The following GLG1 variants were observed in gnomAD, a reference collection of about 807,000 sequenced individuals.
GLG1 encodes the protein golgi glycoprotein 1.
In GLG1, 38 loss-of-function variants were observed where a neutral mutation model predicts 160.5. The observed-to-expected ratio is 0.24, with a 90% CI of 0.18 to 0.31. The LOEUF (loss-of-function observed/expected upper bound fraction) is 0.31. Among genes scored for constraint, GLG1 ranks in the 10% least tolerant of loss-of-function variants. The probability of loss-of-function intolerance (pLI) is 1.00; values close to 1 mark genes in which losing one functional copy is unlikely to be tolerated. For synonymous variants in GLG1, 644 were observed against 543.4 expected, an observed-to-expected ratio of 1.19 and a Z score of -2.57; for missense variants, 1,373 against 1,505.2, an observed-to-expected ratio of 0.91 and a Z score of 1.45.
chr16:74,593,206 A>T (rs1404023129), intron 1 of GLG1, among the ~76,000 whole-genome samples: 1 of 152,092 alleles, frequency 6.6e-6, no homozygotes, highest in South Asian at 2.1e-4. Flanking sequence ...GCAACACAAA[A>T]TGGACTCAGA....
chr16:74,576,358 A>C (rs950318288), intron 1 of GLG1, among the ~76,000 whole-genome samples: 1 of 152,222 alleles, frequency 6.6e-6, no homozygotes, highest in Non-Finnish European at 1.5e-5. Context: ...ACATTTTTCT[A>C]ACTTAAAATG....
chr16:74,521,055 A>C (rs922611059), intron 2 of GLG1, among the ~76,000 whole-genome samples: 4 of 152,210 alleles, frequency 2.6e-5, no homozygotes, highest in African/African-American at 9.6e-5. Flanking sequence ...ATAAGAGAGT[A>C]AGAGAAGGAA....
At chr16:74,509,923 G>A (rs900002371) in intron 2 of GLG1, among the ~76,000 whole-genome samples, 1 of 151,956 alleles carries the variant, frequency 6.6e-6, no homozygotes, top group Non-Finnish European at 1.5e-5. Context: ...CTGGCCTCAA[G>A]CAATTCCCCT....
At chr16:74,459,611 A>C in intron 23 of GLG1, 71 bp downstream of exon 23, 1 of 786,902 alleles carries the variant, frequency 1.3e-6, no homozygotes, top group Non-Finnish European at 2.1e-6. Flanking sequence ...TAGGCAGACT[A>C]CAGCATTAAA....
chr16:74,480,471 G>C, intron 10 of GLG1, 77 bp from the exon 11 acceptor site: 1 of 1,068,948 alleles, frequency 9.4e-7, no homozygotes, highest in Non-Finnish European at 1.4e-6. Context: ...GTTTTTATGA[G>C]GTGTTTGCTT....
intron 2 of GLG1, among the ~76,000 whole-genome samples, chr16:74,518,196 C>A (rs558812726): frequency 6.6e-6 from 1 of 152,128 alleles, no homozygotes; most frequent in African/African-American, 2.4e-5. Flanking sequence ...TTGGTAAAAA[C>A]GACTTTAAAC....
Position 74,478,533 on chromosome 16 carries a change from G to A in GLG1, c.1828-1000C>T, listed in dbSNP as rs2015474827. 2.0e-5 allele frequency among the ~76,000 whole-genome samples: 3 copies of A among 152,142 alleles called. No homozygotes were observed. In the South Asian group the frequency reaches 6.2e-4, roughly 32 times the overall value. On this transcript the variant is annotated intron_variant, in intron 11 of 25. Coordinates refer to ENST00000422840, the MANE Select transcript of GLG1 (RefSeq NM_001145667.2). ...TTTAATGAACACAGGGTTTCCTTTT[G>A]GAGTCATGGAGTGTTTTGAAACTAG...
intron 1 of GLG1, among the ~76,000 whole-genome samples, chr16:74,538,938 ATT>A (rs1468005493): frequency 6.6e-6 from 1 of 151,728 alleles, no homozygotes; most frequent in Non-Finnish European, 1.5e-5. Flanking sequence ...GTACATTTGA[ATT>A]AAGTCTTATA....
intron 1 of GLG1, among the ~76,000 whole-genome samples, chr16:74,556,781 T>C (rs2018366112): frequency 6.7e-6 from 1 of 149,006 alleles, no homozygotes; most frequent in East Asian, 1.9e-4. Context: ...AATAAAAATA[T>C]ATAAAATAAT....
intron 1 of GLG1, among the ~76,000 whole-genome samples, chr16:74,605,733 T>A (rs1958550873): frequency 6.6e-6 from 1 of 152,000 alleles, no homozygotes. Flanking sequence ...TAAACAAATC[T>A]GATATTTAAA....
At chr16:74,496,232 C>A (rs966171596) in intron 5 of GLG1, among the ~76,000 whole-genome samples, 2 of 152,068 alleles carry the variant, frequency 1.3e-5, no homozygotes, top group African/African-American at 4.8e-5. Flanking sequence ...CACACCACTG[C>A]ACTCCAGCCT....
chr16:74,554,320 A>G (rs1238022694), intron 1 of GLG1, among the ~76,000 whole-genome samples: 1 of 152,188 alleles, frequency 6.6e-6, no homozygotes, highest in Non-Finnish European at 1.5e-5. Context: ...GATCACTTGA[A>G]GTCAGGAGAT....
chr16:74,549,636 G>A lies in GLG1; in HGVS notation c.439-17483C>T, dbSNP rs200121394. The stretch of plus-strand genomic sequence containing the variant: ...GTGCCTAGCACAGCTAGCATAGCAC[G>A]TTCAATATTTGCTCCAAGTATGACT... On this transcript the variant is annotated intron_variant, in intron 1 of 25. Transcript: ENST00000422840. 4.0e-4 allele frequency among the ~76,000 whole-genome samples: 61 copies of A among 152,082 alleles called. No individual in the cohort carries two copies. The East Asian group carries it at 0.01, about 26-fold the overall frequency.
chr16:74,513,502 C>T (rs1176416749), intron 2 of GLG1, among the ~76,000 whole-genome samples: 1 of 152,152 alleles, frequency 6.6e-6, no homozygotes, highest in African/African-American at 2.4e-5. Context: ...CCCAGGCAAA[C>T]AGGGTCTGGA....
intron 20 of GLG1, 161 bp downstream of exon 20, chr16:74,463,195 T>C (rs1420169255): frequency 1.5e-6 from 1 of 647,300 alleles, no homozygotes; most frequent in African/African-American, 1.8e-5. Context: ...CCTCCATTTT[T>C]CTGGATGCTC....
chr16:74,458,547 T>C (rs879725835), intron 23 of GLG1, among the ~76,000 whole-genome samples: 12 of 152,074 alleles, frequency 7.9e-5, no homozygotes, highest in Non-Finnish European at 1.5e-4. Context: ...GGCATAATCG[T>C]GTGCCCTGTG....
At chr16:74,510,577 G>T (rs2016772716) in intron 2 of GLG1, among the ~76,000 whole-genome samples, 1 of 151,898 alleles carries the variant, frequency 6.6e-6, no homozygotes. Context: ...TTTGGAGGGG[G>T]GTACATTCCT....
At chr16:74,513,440 G>C (rs2016877470) in intron 2 of GLG1, among the ~76,000 whole-genome samples, 2 of 152,120 alleles carry the variant, frequency 1.3e-5, no homozygotes, top group South Asian at 4.1e-4. Flanking sequence ...GAAGCTTCCA[G>C]AGGAAGAATC....
chr16:74,560,430 C>G (rs373767896), intron 1 of GLG1, among the ~76,000 whole-genome samples: 1 of 149,686 alleles, frequency 6.7e-6, no homozygotes, highest in African/African-American at 2.5e-5. Context: ...CAGGTTCAAG[C>G]GATTCTGCCA....
Sources: gnomAD v4.1 joint callset for allele counts (sites outside exome capture counted in the v4.1 genomes callset) on GRCh38, gnomAD v4.1.1 for gene constraint, MANE v1.5 for transcripts, NCBI Gene and HGNC (gene_info 2026-07-23, HGNC 2026-07-21) for gene names.